Variants in SWT1 observed in about 807,000 individuals in gnomAD.
The protein encoded by SWT1 is SWT1 RNA endoribonuclease homolog, also known as transcriptional protein SWT1.
Under a neutral mutation model 107.3 loss-of-function variants are expected in SWT1, and 33 were observed. The ratio of observed to expected loss-of-function variants is 0.31; its 90% confidence interval spans 0.23 to 0.41. SWT1 has a LOEUF of 0.41. SWT1 is among the 10% of genes least tolerant of loss of function. SWT1 has a pLI of 1.00. For missense variants in SWT1, 898 were observed against 1,028.9 expected (o/e 0.87, Z 1.74); for synonymous variants, 345 against 348.3 (o/e 0.99, Z 0.11).
chr1:185,227,069 A>G (rs1178603931), intron 15 of SWT1: 1 of 1,012,844 alleles, frequency 9.9e-7, no homozygotes, highest in Non-Finnish European at 1.5e-6. Context: ...CTTCCATTAA[A>G]TAGCACATGT....
At chr1:185,281,599 T>A in intron 18 of SWT1, 1 of 222,126 alleles carries the variant, frequency 4.5e-6, no homozygotes, top group Non-Finnish European at 9.2e-6. Context: ...TCAAGGCCTT[T>A]CACCTGAAGA....
chr1:185,180,303 C>A, intron 5 of SWT1, 88 bp from the exon 6 acceptor site: 1 of 1,041,016 alleles, frequency 9.6e-7, no homozygotes, highest in Non-Finnish European at 1.5e-6. Context: ...AGTGAATTAT[C>A]TGACCCTGAA....
intron 16 of SWT1, among the ~76,000 whole-genome samples, chr1:185,247,076 G>C (rs1416627807): frequency 1.3e-5 from 2 of 152,094 alleles, no homozygotes; most frequent in Non-Finnish European, 2.9e-5. Context: ...CAGTCCTTAG[G>C]TTTCTTGTTG....
chr1:185,277,904 CT>C (rs1165179842), intron 18 of SWT1, among the ~76,000 whole-genome samples: 2 of 151,740 alleles, frequency 1.3e-5, no homozygotes, highest in African/African-American at 4.8e-5. Flanking sequence ...ACACTATATA[CT>C]TTTTTTTCCA....
At chr1:185,282,751 A>G (rs1664714376) in intron 18 of SWT1, among the ~76,000 whole-genome samples, 1 of 152,058 alleles carries the variant, frequency 6.6e-6, no homozygotes, top group Non-Finnish European at 1.5e-5. Context: ...TCAGAATTGA[A>G]TTGAATTATA....
intron 16 of SWT1, 80 bp from the exon 17 acceptor site, chr1:185,271,243 A>G: frequency 1.4e-6 from 1 of 739,100 alleles, no homozygotes; most frequent in Non-Finnish European, 2.5e-6. Context: ...TGGTATGGGT[A>G]TGTTTTGGGA....
chr1:185,246,928 CA>C (rs893196049), intron 16 of SWT1, among the ~76,000 whole-genome samples: 1 of 152,110 alleles, frequency 6.6e-6, no homozygotes, highest in Non-Finnish European at 1.5e-5. Flanking sequence ...CATGCCTGAC[CA>C]GGGGCTAATT....
rs904754040 is a variant in SWT1 at position 185,228,182 on chromosome 1, TATATATAC to T, written c.2310-3387_2310-3380del. Among the ~76,000 whole-genome samples, 32 of 140,452 alleles carry T rather than the reference TATATATAC, an allele frequency of 2.3e-4. 1 individual carries two copies. Among genetic ancestry groups the T allele is most frequent in the East Asian group, 1.1e-3 (5 of 4,678 alleles). The allele number at this position is 140,452 out of a possible 152,430, so 92.1% of individuals were successfully genotyped here. On this transcript the variant is annotated intron_variant, in intron 15 of 18. Coordinates refer to ENST00000367500, the MANE Select transcript of SWT1 (RefSeq NM_017673.7). ...AAAAAAAAATGTGTATATATATATA[TATATATAC>T]ATATATATATACTCAGTATGTTTTT...
intron 16 of SWT1, among the ~76,000 whole-genome samples, chr1:185,256,652 C>T (rs1320119250): frequency 2.2e-4 from 32 of 144,974 alleles, no homozygotes; most frequent in South Asian, 4.6e-4. Context: ...AAGCACTTCT[C>T]TGTATTGGTT....
intron 10 of SWT1, 95 bp downstream of exon 10, chr1:185,190,737 CA>C (rs1190121523): frequency 2.8e-6 from 2 of 720,068 alleles, no homozygotes; most frequent in Non-Finnish European, 4.5e-6. Flanking sequence ...GGATCAAAAA[CA>C]TACATAATTT....
At chr1:185,212,884 A>C (rs1454246152) in intron 13 of SWT1, among the ~76,000 whole-genome samples, 1 of 152,026 alleles carries the variant, frequency 6.6e-6, no homozygotes, top group East Asian at 1.9e-4. Flanking sequence ...ACTATCTTTT[A>C]ATAATACCTT....
intron 2 of SWT1, 141 bp downstream of exon 2, chr1:185,161,066 G>C (rs1286850998): frequency 1.6e-6 from 1 of 639,560 alleles, no homozygotes; most frequent in African/African-American, 1.8e-5. Context: ...TTGCTTTTCC[G>C]GTTTTTTACT....
chr1:185,201,272 G>A (rs548991195), intron 10 of SWT1, among the ~76,000 whole-genome samples: 35 of 152,164 alleles, frequency 2.3e-4, no homozygotes, highest in African/African-American at 7.5e-4. Context: ...GTTCTGTCTC[G>A]CTGGTGTTCA....
At chr1:185,162,791 A>G (rs1654259406) in intron 2 of SWT1, among the ~76,000 whole-genome samples, 1 of 152,024 alleles carries the variant, frequency 6.6e-6, no homozygotes. Flanking sequence ...ACGGTAGTCT[A>G]TTAAGTGTAC....
intron 9 of SWT1, among the ~76,000 whole-genome samples, chr1:185,189,654 A>G (rs1656776304): frequency 1.3e-5 from 2 of 152,078 alleles, no homozygotes; most frequent in Admixed American, 6.6e-5. Context: ...GAGTTTACTA[A>G]TAGCCATATC....
intron 15 of SWT1, among the ~76,000 whole-genome samples, chr1:185,224,369 T>C (rs1316360155): frequency 3.3e-5 from 5 of 152,204 alleles, no homozygotes; most frequent in Non-Finnish European, 5.9e-5. Context: ...TGTTTGTTTT[T>C]TTCTTGGTTA....
rs550196882 is a variant in SWT1, at chr1:185,231,001, G to A, written c.2310-576G>A. On this transcript the variant is annotated intron_variant, in intron 15 of 18. Coordinates refer to ENST00000367500, the MANE Select transcript of SWT1 (RefSeq NM_017673.7). ...TGGCCTCAAGTGATCCTCCCTCCTC[G>A]GCCTTTCAAAGTGTTGAGATGACAT... 2.2e-4 allele frequency among the ~76,000 whole-genome samples: 34 copies of A among 152,188 alleles called. 1 individual carries two copies. The South Asian group carries it at 6.8e-3, about 31-fold the overall frequency.
intron 17 of SWT1, among the ~76,000 whole-genome samples, chr1:185,271,609 A>T (rs1011446719): frequency 1.3e-5 from 2 of 152,188 alleles, no homozygotes; most frequent in Admixed American, 6.5e-5. Flanking sequence ...TTGATATGTT[A>T]TACATAGTGA....
chr1:185,257,425 T>A (rs1662649879), intron 16 of SWT1, among the ~76,000 whole-genome samples: 2 of 152,182 alleles, frequency 1.3e-5, no homozygotes, highest in South Asian at 4.2e-4. Flanking sequence ...GTGCTAGCAA[T>A]CAGCGAGACT....
Sources: gnomAD v4.1 joint callset for allele counts (sites outside exome capture counted in the v4.1 genomes callset) on GRCh38, gnomAD v4.1.1 for gene constraint, MANE v1.5 for transcripts, NCBI Gene and HGNC (gene_info 2026-07-23, HGNC 2026-07-21) for gene names.